BTBD9: variants seen among roughly 807,000 people sequenced by gnomAD.
The protein encoded by BTBD9 is BTB domain containing 9.
Under a neutral mutation model 64.3 loss-of-function variants are expected in BTBD9, and 49 were observed. The observed-to-expected ratio is 0.76, with a 90% confidence interval of 0.61 to 0.97. The LOEUF is 0.97. Among genes scored for constraint, BTBD9 ranks in the 50% least tolerant of loss-of-function variants. BTBD9 has a pLI of 0.00. For missense variants in BTBD9, 598 were observed against 762.1 expected, an observed-to-expected ratio of 0.78 and a Z score of 2.53; for synonymous variants, 260 against 274.7, an observed-to-expected ratio of 0.95 and a Z score of 0.53.
chr6:38,619,282 G>A (rs1452289013), intron 1 of BTBD9, among the ~76,000 whole-genome samples: 1 of 151,998 alleles, frequency 6.6e-6, no homozygotes, highest in African/African-American at 2.4e-5. Context: ...TGGCAACCTT[G>A]GTATTCTATA....
intron 9 of BTBD9, among the ~76,000 whole-genome samples, chr6:38,217,366 G>T (rs1763045417): frequency 6.7e-6 from 1 of 150,246 alleles, no homozygotes; most frequent in African/African-American, 2.4e-5. Context: ...ACAACAAAGT[G>T]GTCAAACCTA....
At chr6:38,397,874 C>T (rs1231644424) in intron 6 of BTBD9, among the ~76,000 whole-genome samples, 2 of 152,256 alleles carry the variant, frequency 1.3e-5, no homozygotes, top group East Asian at 3.9e-4. Context: ...ACAAAGCATT[C>T]TTGTGGAGGA....
At chr6:38,341,408 T>A (rs1295950909) in intron 7 of BTBD9, among the ~76,000 whole-genome samples, 1 of 152,238 alleles carries the variant, frequency 6.6e-6, no homozygotes, top group Non-Finnish European at 1.5e-5. Flanking sequence ...AATAATCTGA[T>A]AGGAACAAAG....
At chr6:38,360,449 A>C (rs1447302022) in intron 6 of BTBD9, among the ~76,000 whole-genome samples, 1 of 152,222 alleles carries the variant, frequency 6.6e-6, no homozygotes, top group African/African-American at 2.4e-5. Context: ...TCTCTAAAAA[A>C]GGTCCCCTCT....
At chr6:38,509,622 A>G (rs958833308) in intron 6 of BTBD9, among the ~76,000 whole-genome samples, 1 of 152,228 alleles carries the variant, frequency 6.6e-6, no homozygotes, top group African/African-American at 2.4e-5. Flanking sequence ...ACAATACTTT[A>G]GTAGCAAGCA....
At chr6:38,451,145 C>T (rs1405618219) in intron 6 of BTBD9, among the ~76,000 whole-genome samples, 1 of 152,170 alleles carries the variant, frequency 6.6e-6, no homozygotes, top group Non-Finnish European at 1.5e-5. Context: ...ACCACACCAA[C>T]GGAACTTGTT....
At chr6:38,422,151 C>G (rs1366059506) in intron 6 of BTBD9, among the ~76,000 whole-genome samples, 1 of 152,146 alleles carries the variant, frequency 6.6e-6, no homozygotes, top group Non-Finnish European at 1.5e-5. Context: ...CTTCACCCTT[C>G]TAGTCTAATT....
rs146032456 is a variant in BTBD9 at position 38,246,461 on chromosome 6, C to CGTGTGTGTGT, written c.1562+9938_1562+9947dup. Among the ~76,000 whole-genome samples the CGTGTGTGTGT allele has an allele frequency of 8.0e-5, 12 of 150,910 alleles. No individual in the cohort carries two copies. The East Asian group carries it at 1.6e-3, about 20-fold the overall frequency. Reference sequence around the variant, plus strand: ...GTCAGACTTGGCGCACGTGCACGTACGTGTGTGTGTGTGTGTATTGTCTAA... The same window carrying CGTGTGTGTGT: ...GTCAGACTTGGCGCACGTGCACGTACGTGTGTGTGTGTGTGTGTGTGTGTGTATTGTCTAA... On this transcript the variant is annotated intron_variant, in intron 9 of 10. Transcript: ENST00000481247.
chr6:38,630,495 A>C (rs190072592), intron 1 of BTBD9, among the ~76,000 whole-genome samples: 2 of 152,360 alleles, frequency 1.3e-5, no homozygotes, highest in South Asian at 4.1e-4. Context: ...CTTTCTCTTC[A>C]ACAGTTCAGT....
At chr6:38,505,842 G>A (rs1015054765) in intron 6 of BTBD9, among the ~76,000 whole-genome samples, 5 of 151,456 alleles carry the variant, frequency 3.3e-5, no homozygotes, top group African/African-American at 9.7e-5. Flanking sequence ...GCATGCGTCT[G>A]TAGTCCCAGC....
At chr6:38,549,668 C>T (rs1774706889) in intron 6 of BTBD9, among the ~76,000 whole-genome samples, 1 of 152,108 alleles carries the variant, frequency 6.6e-6, no homozygotes, top group African/African-American at 2.4e-5. Flanking sequence ...AGTGACTGTG[C>T]AGCTAAGCCT....
chr6:38,238,511 C>T (rs1210935405), intron 9 of BTBD9, among the ~76,000 whole-genome samples: 1 of 131,558 alleles, frequency 7.6e-6, no homozygotes, highest in African/African-American at 2.9e-5. Context: ...CTCGCTCTGT[C>T]GCCCAGGCTG....
intron 8 of BTBD9, among the ~76,000 whole-genome samples, chr6:38,273,745 C>T (rs1010083161): frequency 6.6e-6 from 1 of 152,068 alleles, no homozygotes; most frequent in African/African-American, 2.4e-5. Context: ...ACTCTTACTG[C>T]CCTAGGAAAC....
chr6:38,237,372 A>T (rs1046514705), intron 9 of BTBD9, among the ~76,000 whole-genome samples: 9 of 152,196 alleles, frequency 5.9e-5, no homozygotes, highest in African/African-American at 2.2e-4. Flanking sequence ...AATTTCTTAA[A>T]TGTAAGGTCA....
intron 1 of BTBD9, among the ~76,000 whole-genome samples, chr6:38,613,904 C>A (rs1376205758): frequency 6.6e-6 from 1 of 152,130 alleles, no homozygotes; most frequent in African/African-American, 2.4e-5. Flanking sequence ...TCTCTGAAGT[C>A]CCTTCCAGCT....
At chr6:38,620,329 C>T (rs2894414) in intron 1 of BTBD9, among the ~76,000 whole-genome samples, 2 of 152,310 alleles carry the variant, frequency 1.3e-5, no homozygotes, top group Non-Finnish European at 2.9e-5. Flanking sequence ...CTGTTTTGGA[C>T]CTGAAGGATG....
At chr6:38,463,175 A>G (rs917640942) in intron 6 of BTBD9, among the ~76,000 whole-genome samples, 2 of 152,238 alleles carry the variant, frequency 1.3e-5, no homozygotes, top group African/African-American at 2.4e-5. Context: ...TTAAAAATCA[A>G]TTGTTGATTG....
At chr6:38,463,838 C>T (rs756855751) in intron 6 of BTBD9, among the ~76,000 whole-genome samples, 2 of 152,134 alleles carry the variant, frequency 1.3e-5, no homozygotes, top group Non-Finnish European at 2.9e-5. Flanking sequence ...TTGAGACCAG[C>T]CTGGCCAACA....
intron 6 of BTBD9, among the ~76,000 whole-genome samples, chr6:38,505,492 C>T (rs1327012944): frequency 1.3e-5 from 2 of 151,946 alleles, no homozygotes; most frequent in Non-Finnish European, 2.9e-5. Context: ...GGCGTGGTGG[C>T]AGGCACCTGT....
Sources: allele counts gnomAD v4.1 joint callset (sites outside exome capture counted in the v4.1 genomes callset), GRCh38; gene constraint gnomAD v4.1.1; transcripts MANE v1.5; gene names NCBI Gene and HGNC (gene_info 2026-07-23, HGNC 2026-07-21).